TTC29: variants seen among roughly 807,000 people sequenced by gnomAD.
TTC29 encodes the protein tetratricopeptide repeat domain 29, also known as tetratricopeptide repeat protein 29.
Under a neutral mutation model 58.1 loss-of-function variants are expected in TTC29, and 49 were observed. The observed-to-expected ratio is 0.84, with a 90% CI of 0.67 to 1.07. The LOEUF (loss-of-function observed/expected upper bound fraction) is 1.07, where lower values mean the gene tolerates loss of function less well. Ranked by LOEUF, TTC29 falls within the 50% of genes least tolerant of loss-of-function variation. The pLI is 0.00. For missense variants in TTC29, 582 were observed against 555.6 expected (o/e 1.05, Z -0.48); for synonymous variants, 209 against 196.8 (o/e 1.06, Z -0.52).
At chr4:146,894,391 G>T (rs1732612348) in intron 6 of TTC29, among the ~76,000 whole-genome samples, 2 of 151,912 alleles carry the variant, frequency 1.3e-5, no homozygotes, top group Non-Finnish European at 2.9e-5. Flanking sequence ...GGACATGGAT[G>T]AAGCTGGAAA....
At chr4:146,928,278 G>A (rs893437313) in intron 4 of TTC29, among the ~76,000 whole-genome samples, 1 of 152,174 alleles carries the variant, frequency 6.6e-6, no homozygotes, top group Non-Finnish European at 1.5e-5. Flanking sequence ...TACTTATTAT[G>A]TGTGTGTCCT....
At chr4:146,853,077 T>A (rs574337324) in intron 8 of TTC29, among the ~76,000 whole-genome samples, 4 of 152,292 alleles carry the variant, frequency 2.6e-5, no homozygotes, top group Middle Eastern at 3.4e-3. Context: ...TAAAACCTAT[T>A]AAAAACATTA....
intron 6 of TTC29, among the ~76,000 whole-genome samples, chr4:146,892,597 G>A (rs1298464673): frequency 6.6e-6 from 1 of 152,112 alleles, no homozygotes; most frequent in Non-Finnish European, 1.5e-5. Context: ...GGCAAAAACT[G>A]GAAGCATTCC....
At chr4:146,803,835 A>G in intron 10 of TTC29, 150 bp from the exon 11 acceptor site, 1 of 608,492 alleles carries the variant, frequency 1.6e-6, no homozygotes, top group Non-Finnish European at 2.8e-6. Flanking sequence ...GCAGGCTATT[A>G]GGATAAGTTT....
chr4:146,849,159 G>T (rs1238360637), intron 8 of TTC29, among the ~76,000 whole-genome samples: 2 of 152,084 alleles, frequency 1.3e-5, no homozygotes, highest in African/African-American at 4.8e-5. Flanking sequence ...ACCATTTATA[G>T]AGCAAAACTA....
intron 11 of TTC29, among the ~76,000 whole-genome samples, chr4:146,728,869 G>GTATATATATACGTATATATA (rs1561066909): frequency 4.6e-5 from 1 of 21,654 alleles, no homozygotes; most frequent in African/African-American, 7.8e-5. Flanking sequence ...ACATATATAT[G>GTATATATATACGTATATATA]TGTGTGTATA....
At chr4:146,736,883 G>T (rs554008428) in intron 11 of TTC29, among the ~76,000 whole-genome samples, 4 of 152,238 alleles carry the variant, frequency 2.6e-5, no homozygotes, top group Non-Finnish European at 5.9e-5. Flanking sequence ...GGAGCCTCTG[G>T]GCTCCCTGGG....
chr4:146,815,976 T>G (rs1279741146), intron 10 of TTC29, among the ~76,000 whole-genome samples: 1 of 152,214 alleles, frequency 6.6e-6, no homozygotes, highest in East Asian at 1.9e-4. Context: ...GGCAATATTT[T>G]TATACTTGCA....
In TTC29 at chr4:146,778,976, C is replaced by CAAAAAAAAAAAAAAAAAAAAAA. The variant is rs369374851; in HGVS notation, c.1330+24459_1330+24480dup. On this transcript the variant is annotated intron_variant, in intron 11 of 12. Transcript: ENST00000325106. The stretch of plus-strand genomic sequence containing the variant: ...AACTGCACTTGTACTCCTAAATAAG[C>CAAAAAAAAAAAAAAAAAAAAAA]AAAAAAAAAAAAAAAAAAAAAAAAA... 5.5e-3 allele frequency among the ~76,000 whole-genome samples: 158 copies of CAAAAAAAAAAAAAAAAAAAAAA among 28,544 alleles called. 6 individuals are homozygous for CAAAAAAAAAAAAAAAAAAAAAA. Among genetic ancestry groups the CAAAAAAAAAAAAAAAAAAAAAA allele is most frequent in the South Asian group, 8.1e-3 (4 of 492 alleles). The allele number at this position is 28,544 out of a possible 152,430, so 18.7% of individuals were successfully genotyped here.
chr4:146,794,456 T>C (rs546271507), intron 11 of TTC29, among the ~76,000 whole-genome samples: 102 of 152,234 alleles, frequency 6.7e-4, no homozygotes, highest in African/African-American at 2.4e-3. Context: ...TGTTAGCTGG[T>C]GATGGTAAAA....
At chr4:146,913,793 T>G (rs1408231718) in intron 4 of TTC29, among the ~76,000 whole-genome samples, 1 of 152,172 alleles carries the variant, frequency 6.6e-6, no homozygotes, top group South Asian at 2.1e-4. Flanking sequence ...CTGCTGTCTG[T>G]GACCAAAGAA....
intron 9 of TTC29, among the ~76,000 whole-genome samples, chr4:146,826,932 T>C (rs1579771342): frequency 6.6e-6 from 1 of 152,090 alleles, no homozygotes; most frequent in Non-Finnish European, 1.5e-5. Context: ...GTTCTCATGC[T>C]GTGTTTTTCA....
At chr4:146,847,104 G>T (rs1179806540) in intron 8 of TTC29, among the ~76,000 whole-genome samples, 1 of 152,212 alleles carries the variant, frequency 6.6e-6, no homozygotes, top group East Asian at 1.9e-4. Context: ...GAAGAGACAA[G>T]ATAACAATTT....
chr4:146,902,330 A>C (rs1393794517), intron 6 of TTC29, among the ~76,000 whole-genome samples: 1 of 152,156 alleles, frequency 6.6e-6, no homozygotes, highest in Non-Finnish European at 1.5e-5. Flanking sequence ...AGGATCACAA[A>C]AAAATAATGG....
At chr4:146,813,749 C>T (rs931216512) in intron 10 of TTC29, among the ~76,000 whole-genome samples, 7 of 152,030 alleles carry the variant, frequency 4.6e-5, no homozygotes, top group East Asian at 1.9e-4. Context: ...TTTGGGAGGC[C>T]GAGGAGGGAG....
intron 6 of TTC29, among the ~76,000 whole-genome samples, chr4:146,898,324 A>G (rs1449470928): frequency 6.6e-6 from 1 of 152,106 alleles, no homozygotes; most frequent in African/African-American, 2.4e-5. Context: ...AGTTATTTCA[A>G]TGTGTCTTCA....
chr4:146,726,392 G>A (rs561200451), intron 11 of TTC29, among the ~76,000 whole-genome samples: 3 of 152,108 alleles, frequency 2.0e-5, no homozygotes, highest in Non-Finnish European at 4.4e-5. Flanking sequence ...GGCGGAGGTT[G>A]CAGTGAGCCG....
At chr4:146,870,031 G>T (rs1730830589) in intron 7 of TTC29, among the ~76,000 whole-genome samples, 1 of 152,050 alleles carries the variant, frequency 6.6e-6, no homozygotes, top group Non-Finnish European at 1.5e-5. Context: ...TATGTGGTAA[G>T]GTGTATGCTG....
chr4:146,726,268 A>G, intron 11 of TTC29, among the ~76,000 whole-genome samples: 1 of 152,048 alleles, frequency 6.6e-6, no homozygotes, highest in East Asian at 1.9e-4. Context: ...AGCCTGGACA[A>G]ATGGTGAAAT....
Sources: gnomAD v4.1 joint callset for allele counts (sites outside exome capture counted in the v4.1 genomes callset) on GRCh38, gnomAD v4.1.1 for gene constraint, MANE v1.5 for transcripts, NCBI Gene and HGNC (gene_info 2026-07-23, HGNC 2026-07-21) for gene names.